The following FAM169A variants were observed in gnomAD, a reference collection of about 807,000 sequenced individuals.
The protein encoded by FAM169A is family with sequence similarity 169 member A.
Under a neutral mutation model 75.7 loss-of-function variants are expected in FAM169A, and 24 were observed. The observed-to-expected ratio is 0.32, with a 90% CI of 0.23 to 0.45. FAM169A has a LOEUF of 0.45. FAM169A is among the 20% of genes least tolerant of loss of function. The probability of loss-of-function intolerance (pLI) is 1.00; values close to 1 mark genes in which losing one functional copy is unlikely to be tolerated. For missense variants in FAM169A, 673 were observed against 784.0 expected (o/e 0.86, Z 1.69); for synonymous variants, 271 against 271.0 (o/e 1.00, Z 0.00).
At chr5:74,782,470 C>T (rs1170576942) in intron 12 of FAM169A, among the ~76,000 whole-genome samples, 1 of 152,132 alleles carries the variant, frequency 6.6e-6, no homozygotes, top group Non-Finnish European at 1.5e-5. Context: ...ACTAATAATG[C>T]CATACAACAG....
At chr5:74,801,694 A>C in intron 8 of FAM169A, 65 bp from the exon 9 acceptor site, 1 of 1,205,966 alleles carries the variant, frequency 8.3e-7, no homozygotes, top group Non-Finnish European at 1.2e-6. Context: ...GATCTATTTC[A>C]CTTATAGTTT....
intron 6 of FAM169A, among the ~76,000 whole-genome samples, chr5:74,812,021 T>C (rs1350097): frequency 0.23 from 35,284 of 152,194 alleles, 4,316 homozygotes; most frequent in Middle Eastern, 0.3. Context: ...GTGAGTCTAA[T>C]TGGGTAGAAG....
intron 1 of FAM169A, among the ~76,000 whole-genome samples, chr5:74,842,112 CAA>C (rs1216791773): frequency 7.2e-6 from 1 of 138,872 alleles, no homozygotes. Context: ...CTATAAATTT[CAA>C]AAAAAAAAAA....
In FAM169A at chr5:74,839,067, A is replaced by G. The variant is rs1400412519; in HGVS notation, c.233-17T>C. Reference sequence around the variant, plus strand: ...GTGCCACAGCTAAAATAGAATAAATAATCATTAACACTTGAGTTTTAAAGT... The same window carrying G: ...GTGCCACAGCTAAAATAGAATAAATGATCATTAACACTTGAGTTTTAAAGT... On this transcript the variant is annotated splice_polypyrimidine_tract_variant and intron_variant, in intron 3 of 12. Coordinates refer to ENST00000687041, the MANE Select transcript of FAM169A (RefSeq NM_001376049.1). The G allele has an allele frequency of 1.3e-6, 2 of 1,575,714 alleles. No homozygotes were observed. The highest frequency in any genetic ancestry group is 1.7e-6 in the Non-Finnish European group (2 of 1,145,258).
intron 5 of FAM169A, among the ~76,000 whole-genome samples, chr5:74,816,012 T>C (rs1164295156): frequency 6.6e-6 from 1 of 152,232 alleles, no homozygotes; most frequent in Non-Finnish European, 1.5e-5. Context: ...ACTTTCCTAA[T>C]AAACTTGCTT....
upstream of FAM169A, chr5:74,866,916 A>G (rs1360940115): frequency 1.0e-6 from 1 of 985,352 alleles, no homozygotes; most frequent in Non-Finnish European, 1.2e-6. Flanking sequence ...TCCTAAACCT[A>G]CTGCCACTTA....
intron 9 of FAM169A, 45 bp downstream of exon 9, chr5:74,801,545 T>C: frequency 6.8e-7 from 1 of 1,465,228 alleles, no homozygotes; most frequent in Non-Finnish European, 9.6e-7. Flanking sequence ...AGCCCTAATT[T>C]GAAGTGTCTC....
intron 1 of FAM169A, among the ~76,000 whole-genome samples, chr5:74,862,329 G>A (rs1750079711): frequency 6.6e-6 from 1 of 152,184 alleles, no homozygotes; most frequent in African/African-American, 2.4e-5. Context: ...CATGGGACCT[G>A]GGCCAGATCA....
chr5:74,795,235 G>A (rs1018172708), intron 11 of FAM169A, among the ~76,000 whole-genome samples: 2 of 152,174 alleles, frequency 1.3e-5, no homozygotes, highest in African/African-American at 4.8e-5. Context: ...TCCAGCCTGG[G>A]TGCAAAGAGC....
intron 10 of FAM169A, chr5:74,799,721 G>A: frequency 8.3e-7 from 1 of 1,205,632 alleles, no homozygotes; most frequent in South Asian, 1.2e-5. Context: ...TCAATCTGAA[G>A]ACGGAGTTCC....
At chr5:74,863,900 T>C (rs556094723) in intron 1 of FAM169A, among the ~76,000 whole-genome samples, 98 of 152,278 alleles carry the variant, frequency 6.4e-4, no homozygotes, top group Non-Finnish European at 9.6e-4. Context: ...TCATTCCCCA[T>C]AGGCCTAGGA....
chr5:74,825,369 G>A (rs1747970531), intron 5 of FAM169A, among the ~76,000 whole-genome samples: 1 of 152,168 alleles, frequency 6.6e-6, no homozygotes, highest in East Asian at 1.9e-4. Flanking sequence ...CTAGTCACAT[G>A]TGGCCATTGA....
chr5:74,861,751 T>C (rs764316053), intron 1 of FAM169A, among the ~76,000 whole-genome samples: 2 of 152,200 alleles, frequency 1.3e-5, no homozygotes, highest in African/African-American at 2.4e-5. Flanking sequence ...ACCTACCCAG[T>C]TGTATGCTAA....
chr5:74,781,548 A>G lies in FAM169A; in HGVS notation c.1925T>C (p.Val642Ala), dbSNP rs1745408079. The change falls in exon 13 of 13, where the codon GTG becomes GCG. Residue 642 changes from valine (V) to alanine (A), a missense_variant. This residue lies in a region of FAM169A where 510 missense variants were observed against 550.9 expected (regional missense o/e 0.93). Transcript: ENST00000687041. ...CCGCCTGTCTACCACAGGCACTTCC[A>G]CTTCTATTTCCTCTGAGCTGCTATC... ...AVDSSSEEIE[V>A]EVPVVDRRNL... is the part of the protein sequence containing the mutation. 6.2e-7 allele frequency: 1 copy of G among 1,613,836 alleles called. No individual in the cohort carries two copies. The highest frequency in any genetic ancestry group is 8.5e-7 in the Non-Finnish European group (1 of 1,179,918).
In FAM169A at chr5:74,778,671, AT is replaced by A. The variant is rs1171040378; in HGVS notation, c.*2788del. The A allele has an allele frequency of 2.6e-5, 4 of 152,046 alleles. No individual in the cohort carries two copies. Among genetic ancestry groups the A allele is most frequent in the Non-Finnish European group, 5.9e-5 (4 of 67,930 alleles). 9.4% of individuals were successfully genotyped at this position (152,046 alleles called of 1,614,324 possible). On this transcript the variant is annotated 3_prime_UTR_variant, in exon 13 of 13. Coordinates refer to ENST00000687041, the MANE Select transcript of FAM169A (RefSeq NM_001376049.1). ...TTATAATAAATTCTTAAATATACTA[AT>A]TTCTGTGATGTCTAGCAATTGAATA...
chr5:74,793,136 C>T (rs1170984171), intron 11 of FAM169A, among the ~76,000 whole-genome samples: 1 of 151,982 alleles, frequency 6.6e-6, no homozygotes, highest in Non-Finnish European at 1.5e-5. Flanking sequence ...ACCATCCTGG[C>T]CAACATGGTG....
Position 74,807,107 on chromosome 5 carries a change from C to T in FAM169A, c.671-1823G>A, listed in dbSNP as rs568959514. ...AACCCTAATTCCTTATACAGATGCT[C>T]CCTGACTTACACTGGGGTTACATTC... On this transcript the variant is annotated intron_variant, in intron 6 of 12. Coordinates refer to ENST00000687041, the MANE Select transcript of FAM169A (RefSeq NM_001376049.1). Among the ~76,000 whole-genome samples the T allele has an allele frequency of 2.0e-5, 3 of 152,234 alleles. No homozygotes were observed. The South Asian group carries it at 6.2e-4, about 32-fold the overall frequency.
rs1447819763 is a variant in FAM169A, at chr5:74,862,883, G to A, written c.-4+3282C>T. ...ATCCACAATACTTCACTAAACTATA[G>A]ACTCCGTGACAGTAGGGCCTGTTTG... On this transcript the variant is annotated intron_variant, in intron 1 of 12. Coordinates refer to ENST00000687041, the MANE Select transcript of FAM169A (RefSeq NM_001376049.1). 6.9e-4 allele frequency among the ~76,000 whole-genome samples: 105 copies of A among 152,090 alleles called. 1 individual carries two copies. The highest frequency in any genetic ancestry group is 6.9e-3 in the Admixed American group (105 of 15,264).
chr5:74,861,223 C>T (rs1353388134), intron 1 of FAM169A, among the ~76,000 whole-genome samples: 5 of 152,288 alleles, frequency 3.3e-5, no homozygotes, highest in East Asian at 1.9e-4. Context: ...AACCTTTTAA[C>T]ATTTTAACTT....
Sources: allele counts gnomAD v4.1 joint callset (sites outside exome capture counted in the v4.1 genomes callset), GRCh38; gene constraint gnomAD v4.1.1; regional missense constraint gnomAD v4.1.1; transcripts MANE v1.5; gene names NCBI Gene and HGNC (gene_info 2026-07-23, HGNC 2026-07-21).